Variants in C13orf42 observed in about 807,000 individuals in gnomAD.
The protein encoded by C13orf42 is chromosome 13 open reading frame 42.
upstream of C13orf42, among the ~76,000 whole-genome samples, chr13:51,115,709 C>T (rs771412835): frequency 1.1e-4 from 16 of 152,024 alleles, no homozygotes; most frequent in African/African-American, 1.5e-4. Context: ...AAGAAGGGGA[C>T]GCTGAGAAAA....
chr13:51,111,574 G>C (rs1015656211), upstream of C13orf42, among the ~76,000 whole-genome samples: 2 of 152,204 alleles, frequency 1.3e-5, no homozygotes, highest in Non-Finnish European at 2.9e-5. Context: ...TGCCTGCTCA[G>C]TTATTTTCTT....
intron 1 of C13orf42, among the ~76,000 whole-genome samples, chr13:51,148,954 G>C (rs945480662): frequency 6.6e-6 from 1 of 152,212 alleles, no homozygotes; most frequent in African/African-American, 2.4e-5. Context: ...TTACTCTGCA[G>C]AGGGGAATGG....
At chr13:51,123,301 G>A (rs1953550769) in intron 1 of C13orf42, among the ~76,000 whole-genome samples, 1 of 152,176 alleles carries the variant, frequency 6.6e-6, no homozygotes, top group African/African-American at 2.4e-5. Flanking sequence ...CAGATCAGCT[G>A]GGGGCTCTGC....
rs534044377 is a variant in C13orf42, at chr13:51,129,476, G to A, written n.137-16254C>T. On this transcript the variant is annotated intron_variant and non_coding_transcript_variant, in intron 1 of 4. Coordinates refer to the C13orf42 transcript ENST00000433280. ...ATCCCTTCATGACCGACAAGGGACC[G>A]CCTGAAGATCCCTTCATGACTGACA... Among the ~76,000 whole-genome samples, 11 of 152,112 alleles carry A rather than the reference G, an allele frequency of 7.2e-5. No individual in the cohort carries two copies. The East Asian group carries it at 9.7e-4, about 13-fold the overall frequency.
chr13:51,168,233 A>C (rs182460893), intron 1 of C13orf42, among the ~76,000 whole-genome samples: 1 of 152,328 alleles, frequency 6.6e-6, no homozygotes, highest in African/African-American at 2.4e-5. Flanking sequence ...GTTTGCAAGA[A>C]GCAAAGCCAA....
chr13:51,143,348 T>C (rs1953710577), intron 1 of C13orf42, among the ~76,000 whole-genome samples: 1 of 152,164 alleles, frequency 6.6e-6, no homozygotes, highest in Non-Finnish European at 1.5e-5. Context: ...AAGTTCAGTT[T>C]CTCTACAAAT....
intron 1 of C13orf42, among the ~76,000 whole-genome samples, chr13:51,137,073 G>A (rs1298127264): frequency 6.6e-6 from 1 of 152,178 alleles, no homozygotes; most frequent in African/African-American, 2.4e-5. Context: ...GTGTGTGTTT[G>A]TGTGTTTGTG....
At chr13:51,133,328 G>A (rs952141759) in intron 1 of C13orf42, among the ~76,000 whole-genome samples, 41 of 152,106 alleles carry the variant, frequency 2.7e-4, no homozygotes, top group Non-Finnish European at 4.4e-4. Context: ...AGGGGAGGAC[G>A]GGGAGTTGCT....
intron 1 of C13orf42, among the ~76,000 whole-genome samples, chr13:51,109,627 G>GC (rs1208707374): frequency 6.6e-6 from 1 of 152,070 alleles, no homozygotes; most frequent in East Asian, 1.9e-4. Flanking sequence ...GGTGGCAGGT[G>GC]CCTGTAGTCC....
At chr13:51,107,860 G>T (rs772695337) in intron 1 of C13orf42, among the ~76,000 whole-genome samples, 14 of 152,314 alleles carry the variant, frequency 9.2e-5, no homozygotes, top group Middle Eastern at 3.4e-3. Flanking sequence ...TAAAATAGAG[G>T]TGTGTTCAGA....
chr13:51,102,443 A>C (rs1953304514), intron 1 of C13orf42, among the ~76,000 whole-genome samples: 1 of 152,246 alleles, frequency 6.6e-6, no homozygotes, highest in African/African-American at 2.4e-5. Context: ...GAGTGGCCTT[A>C]ATAGAAAATT....
At chr13:51,138,292 AAC>A (rs1334268292) in intron 1 of C13orf42, among the ~76,000 whole-genome samples, 2 of 152,238 alleles carry the variant, frequency 1.3e-5, no homozygotes, top group African/African-American at 4.8e-5. Context: ...ATTTTCTGTG[AAC>A]ACTACAGTTA....
At chr13:51,167,390 A>G (rs909531771) in intron 1 of C13orf42, among the ~76,000 whole-genome samples, 2 of 152,238 alleles carry the variant, frequency 1.3e-5, no homozygotes, top group African/African-American at 4.8e-5. Flanking sequence ...AAGAAAGCAC[A>G]CACAAGCACC....
At chr13:51,103,727 A>G (rs1386975465) in intron 1 of C13orf42, among the ~76,000 whole-genome samples, 1 of 152,166 alleles carries the variant, frequency 6.6e-6, no homozygotes, top group Non-Finnish European at 1.5e-5. Flanking sequence ...GGAAGCTCTG[A>G]CACAAGCAAC....
intron 1 of C13orf42, among the ~76,000 whole-genome samples, chr13:51,131,615 G>A (rs536337636): frequency 5.3e-5 from 8 of 152,228 alleles, no homozygotes; most frequent in Middle Eastern, 3.4e-3. Flanking sequence ...TCCATGGCTC[G>A]GCTCTAAAAA....
At chr13:51,088,711 T>A (rs1243474401) in intron 1 of C13orf42, among the ~76,000 whole-genome samples, 9 of 152,316 alleles carry the variant, frequency 5.9e-5, no homozygotes, top group East Asian at 5.8e-4. Flanking sequence ...AAAATTTTTT[T>A]AAATAAAGAT....
At chr13:51,164,331 T>C (rs1314413054) in intron 1 of C13orf42, among the ~76,000 whole-genome samples, 2 of 152,316 alleles carry the variant, frequency 1.3e-5, no homozygotes, top group East Asian at 1.9e-4. Context: ...CAAGTAGGCA[T>C]GTTCAAAGTC....
chr13:51,157,151 T>C (rs61016784), intron 1 of C13orf42, among the ~76,000 whole-genome samples: 7,513 of 152,218 alleles, frequency 0.049, 632 homozygotes, highest in African/African-American at 0.17. Flanking sequence ...ATTCCCACAC[T>C]GGCCAGGAGC....
At chr13:51,131,447 G>A (rs1953615779) in intron 1 of C13orf42, among the ~76,000 whole-genome samples, 1 of 152,170 alleles carries the variant, frequency 6.6e-6, no homozygotes, top group Admixed American at 6.5e-5. Flanking sequence ...CACAGTCCCT[G>A]TACAGGTTTC....
Sources: gnomAD v4.1 joint callset for allele counts (sites outside exome capture counted in the v4.1 genomes callset) on GRCh38, gnomAD v4.1.1 for gene constraint, MANE v1.5 for transcripts, NCBI Gene and HGNC (gene_info 2026-07-23, HGNC 2026-07-21) for gene names.